MAK: variants seen among roughly 807,000 people sequenced by gnomAD.
MAK encodes serine/threonine-protein kinase MAK.
In MAK, 65 loss-of-function variants were observed where a neutral mutation model predicts 82.6. The ratio of observed to expected loss-of-function variants is 0.79; its 90% CI spans 0.64 to 0.97. The LOEUF (loss-of-function observed/expected upper bound fraction) is 0.97, where lower values mean the gene tolerates loss of function less well. Among genes scored for constraint, MAK ranks in the 50% least tolerant of loss-of-function variants. The pLI, the probability that MAK is intolerant of heterozygous loss-of-function variation, is 0.00. For missense variants in MAK, 703 were observed against 780.2 expected, an observed-to-expected ratio of 0.90 and a Z score of 1.18; for synonymous variants, 250 against 274.2, an observed-to-expected ratio of 0.91 and a Z score of 0.87.
At chr6:10,785,723 A>G (rs1181019166) in intron 10 of MAK, among the ~76,000 whole-genome samples, 1 of 152,174 alleles carries the variant, frequency 6.6e-6, no homozygotes, top group Non-Finnish European at 1.5e-5. Context: ...CATCAGAGGG[A>G]TCTCTGCCCA....
chr6:10,769,989 T>C, intron 14 of MAK, 122 bp downstream of exon 14: 1 of 1,565,428 alleles, frequency 6.4e-7, no homozygotes, highest in South Asian at 1.1e-5. Flanking sequence ...CAAAAAGAAA[T>C]GCGTTAATGA....
chr6:10,813,085 T>TA (rs1777093985), intron 5 of MAK, among the ~76,000 whole-genome samples: 4 of 34,272 alleles, frequency 1.2e-4, no homozygotes, highest in African/African-American at 3.7e-4. Context: ...GTTATGTATT[T>TA]TTATATATAT....
chr6:10,804,470 G>A (rs934379002), intron 6 of MAK, among the ~76,000 whole-genome samples: 1 of 152,140 alleles, frequency 6.6e-6, no homozygotes, highest in Admixed American at 6.6e-5. Context: ...AGCCTCCCGA[G>A]CAGCGGGGAT....
intron 2 of MAK, 54 bp downstream of exon 2, chr6:10,830,494 G>A (rs560115705): frequency 7.0e-7 from 1 of 1,423,150 alleles, no homozygotes; most frequent in Admixed American, 1.7e-5. Flanking sequence ...GCGAGGACAG[G>A]AAAATAAAGA....
chr6:10,799,172 T>A (rs1033016218), intron 8 of MAK, among the ~76,000 whole-genome samples: 8 of 152,200 alleles, frequency 5.3e-5, no homozygotes, highest in Admixed American at 5.2e-4. Context: ...TACAGTTTTC[T>A]ATTGGAATTG....
chr6:10,836,420 A>C (rs1779152810), intron 1 of MAK, among the ~76,000 whole-genome samples: 1 of 152,234 alleles, frequency 6.6e-6, no homozygotes, highest in African/African-American at 2.4e-5. Context: ...CCCTGAACAT[A>C]CAATTGTCTA....
intron 5 of MAK, among the ~76,000 whole-genome samples, chr6:10,813,122 ATATATATATATAAATTTT>A (rs1561987415): frequency 0.037 from 60 of 1,622 alleles, 8 homozygotes; most frequent in South Asian, 0.062. Flanking sequence ...ATATATATAT[ATATATATATATAAATTTT>A]TTTTTTTTTT....
At chr6:10,777,249 G>C (rs1773539126) in intron 11 of MAK, among the ~76,000 whole-genome samples, 1 of 151,578 alleles carries the variant, frequency 6.6e-6, no homozygotes, top group African/African-American at 2.4e-5. Flanking sequence ...TCTACTAAAA[G>C]AATACAAAAA....
Position 10,776,520 on chromosome 6 carries a change from T to C in MAK, c.1466-1061A>G, listed in dbSNP as rs533771544. 6.6e-6 allele frequency among the ~76,000 whole-genome samples: 1 copy of C among 152,314 alleles called. No individual in the cohort carries two copies. The highest frequency in any genetic ancestry group is 2.1e-4 in the South Asian group (1 of 4,830). ...TCATTCACGGAGAGTTTTCTTTATCTAGTGTAGAAATCATCACTGAGGACT... is the reference window on the plus strand; with the variant it reads ...TCATTCACGGAGAGTTTTCTTTATCCAGTGTAGAAATCATCACTGAGGACT... On this transcript the variant is annotated intron_variant, in intron 11 of 14. Coordinates refer to ENST00000354489, the MANE Select transcript of MAK (RefSeq NM_001242957.3). The surrounding 1 kb of genome is among the most constrained non-coding windows in gnomAD (Gnocchi z 4.3).
chr6:10,784,543 T>C lies in MAK; in HGVS notation c.1346A>G (p.Asn449Ser), dbSNP rs1279712239. The change falls in exon 11 of 15, where the codon AAC becomes AGC. Residue 449 changes from asparagine (N) to serine (S), a missense_variant. Transcript: ENST00000354489. ...GCTCTTGTTTTCCCCTGTCGAGTGG[T>C]TGGAGCCTGAGGGTACTGGCTCTGG... ...RLPEPVPSGS[N>S]HSTGENKSLP... 5.0e-6 allele frequency: 8 copies of C among 1,614,124 alleles called. No homozygotes were observed. Among genetic ancestry groups the C allele is most frequent in the South Asian group, 4.4e-5 (4 of 91,066 alleles).
chr6:10,772,625 G>A (rs1248720594), intron 13 of MAK, among the ~76,000 whole-genome samples: 1 of 151,956 alleles, frequency 6.6e-6, no homozygotes, highest in Non-Finnish European at 1.5e-5. Flanking sequence ...TTTCAGGTGT[G>A]AGCCACCGCG....
rs750884327 is a variant in MAK at position 10,796,085 on chromosome 6, G to C, written c.1056C>G (p.Asn352Lys). The C allele has an allele frequency of 1.9e-6, 3 of 1,614,150 alleles. No homozygotes were observed. The South Asian group carries it at 3.3e-5, about 18-fold the overall frequency. ...QPLQPIQPPQ[N>K]LSVQQPPKQQ... The stretch of plus-strand genomic sequence containing the variant: ...GCTTTGGAGGTTGCTGGACGCTCAG[G>C]TTCTGTGGCGGCTGAATGGGCTGCA... The change falls in exon 9 of 15, where the codon AAC becomes AAG. Residue 352 changes from asparagine (N) to lysine (K), a missense_variant. Coordinates refer to ENST00000354489, the MANE Select transcript of MAK (RefSeq NM_001242957.3).
chr6:10,815,056 A>G (rs2127573530), intron 4 of MAK, among the ~76,000 whole-genome samples: 1 of 152,090 alleles, frequency 6.6e-6, no homozygotes, highest in South Asian at 2.1e-4. Context: ...AAAAATAAAG[A>G]AAGAAATATA....
chr6:10,805,013 T>G (rs1363564651), intron 6 of MAK, among the ~76,000 whole-genome samples: 2 of 135,830 alleles, frequency 1.5e-5, no homozygotes, highest in Non-Finnish European at 3.1e-5. Context: ...GATATGTGCA[T>G]GTCAGGTGAA....
intron 8 of MAK, among the ~76,000 whole-genome samples, chr6:10,797,352 C>G (rs903359757): frequency 3.9e-5 from 6 of 152,092 alleles, no homozygotes; most frequent in African/African-American, 1.4e-4. Context: ...CAAATGGAGG[C>G]AAGTTTGCCC....
intron 9 of MAK, 107 bp from the exon 10 acceptor site, chr6:10,791,954 G>A (rs763664739): frequency 6.5e-6 from 8 of 1,239,638 alleles, no homozygotes; most frequent in Admixed American, 3.4e-5. Context: ...CTCAAGGAGC[G>A]TTCCATACAT....
intron 1 of MAK, among the ~76,000 whole-genome samples, chr6:10,833,201 T>C (rs1263965822): frequency 6.6e-6 from 1 of 152,194 alleles, no homozygotes; most frequent in African/African-American, 2.4e-5. Flanking sequence ...AACATAAACA[T>C]GAGCAGACAT....
intron 5 of MAK, among the ~76,000 whole-genome samples, chr6:10,813,134 A>T (rs1561987598): frequency 0.17 from 125 of 726 alleles, 47 homozygotes; most frequent in East Asian, 0.5. Context: ...ATATATATAT[A>T]AATTTTTTTT....
At chr6:10,766,763 C>T (rs1772476199) in intron 14 of MAK, among the ~76,000 whole-genome samples, 1 of 152,096 alleles carries the variant, frequency 6.6e-6, no homozygotes. Context: ...TGGCATTAGG[C>T]TAATGGGTGT....
Sources: gnomAD v4.1 joint callset for allele counts (sites outside exome capture counted in the v4.1 genomes callset) on GRCh38, gnomAD v4.1.1 for gene constraint, Gnocchi (gnomAD v3.1) non-coding constraint, MANE v1.5 for transcripts, NCBI Gene and HGNC (gene_info 2026-07-23, HGNC 2026-07-21) for gene names.